SAE1: variants seen among roughly 807,000 people sequenced by gnomAD.
SAE1 encodes SUMO-activating enzyme subunit 1.
SAE1 carries 11 observed loss-of-function variants against 40.6 expected under a neutral mutation model. The ratio of observed to expected loss-of-function variants is 0.27; its 90% CI spans 0.17 to 0.45. The LOEUF (loss-of-function observed/expected upper bound fraction) is 0.45. Among genes scored for constraint, SAE1 ranks in the 20% least tolerant of loss-of-function variants. The pLI, the probability that SAE1 is intolerant of heterozygous loss-of-function variation, is 1.00. For synonymous variants in SAE1, 155 were observed against 154.3 expected (o/e 1.00, Z -0.03); for missense variants, 373 against 427.3 (o/e 0.87, Z 1.12).
chr19:47,193,961 TG>T (rs947182838), intron 6 of SAE1, among the ~76,000 whole-genome samples: 2 of 152,024 alleles, frequency 1.3e-5, no homozygotes, highest in African/African-American at 4.8e-5. Context: ...ACATTGGCAC[TG>T]AGAAAAGCAT....
intron 6 of SAE1, among the ~76,000 whole-genome samples, chr19:47,191,485 A>G (rs936376686): frequency 1.3e-5 from 2 of 152,226 alleles, no homozygotes; most frequent in African/African-American, 4.8e-5. Context: ...AAAGGGTATC[A>G]ACACTGCCTG....
intron 8 of SAE1, among the ~76,000 whole-genome samples, chr19:47,207,005 T>C (rs1173802080): frequency 6.6e-6 from 1 of 152,162 alleles, no homozygotes; most frequent in African/African-American, 2.4e-5. Flanking sequence ...GCTTAATAAA[T>C]GTTCCCTTGA....
In SAE1 at chr19:47,209,292, G is replaced by T; in HGVS notation, c.*41G>T. 1 of 1,614,002 alleles carries T rather than the reference G, an allele frequency of 6.2e-7. No individual in the cohort carries two copies. The highest frequency in any genetic ancestry group is 1.6e-4 in the Middle Eastern group (1 of 6,062). Reference sequence around the variant, plus strand: ...GCCCCAGAGATGCCAACTGCAGCATGCCCACCTGTATTCCCTGTCCCCTTC... The same window carrying T: ...GCCCCAGAGATGCCAACTGCAGCATTCCCACCTGTATTCCCTGTCCCCTTC... On this transcript the variant is annotated 3_prime_UTR_variant, in exon 9 of 9. Transcript: ENST00000270225.
At chr19:47,144,321 G>A (rs1478299681) in intron 2 of SAE1, among the ~76,000 whole-genome samples, 2 of 152,006 alleles carry the variant, frequency 1.3e-5, no homozygotes, top group Admixed American at 6.6e-5. Flanking sequence ...GCAACAGAGT[G>A]AGACTTTGCC....
chr19:47,139,218 ATTTTTAG>A (rs1410401193), intron 1 of SAE1, among the ~76,000 whole-genome samples: 2 of 152,240 alleles, frequency 1.3e-5, no homozygotes, highest in African/African-American at 4.8e-5. Context: ...AATTTTGTGT[ATTTTTAG>A]TAGAGACGGG....
intron 6 of SAE1, among the ~76,000 whole-genome samples, chr19:47,185,233 T>C (rs79607356): frequency 0.013 from 2,036 of 152,278 alleles, 28 homozygotes; most frequent in Middle Eastern, 0.051. Context: ...TGTCAATATG[T>C]CTTTATATGT....
At chr19:47,185,208 T>C in intron 6 of SAE1, among the ~76,000 whole-genome samples, 1 of 152,334 alleles carries the variant, frequency 6.6e-6, no homozygotes, top group Non-Finnish European at 1.5e-5. Context: ...TTAATAGCCA[T>C]GTAATATTCC....
At chr19:47,208,587 G>A (rs751133872) in intron 8 of SAE1, among the ~76,000 whole-genome samples, 2 of 151,954 alleles carry the variant, frequency 1.3e-5, no homozygotes, top group African/African-American at 2.4e-5. Flanking sequence ...CACCATACTC[G>A]GCTAATTTCT....
In SAE1 at chr19:47,150,187, G is replaced by A. The variant is rs1041334543; in HGVS notation, c.211-15G>A. 6.0e-6 allele frequency: 9 copies of A among 1,495,188 alleles called. No homozygotes were observed. The highest frequency in any genetic ancestry group is 1.3e-5 in the South Asian group (1 of 76,286). The allele number at this position is 1,495,188 out of a possible 1,614,324, so 92.6% of individuals were successfully genotyped here. ...AAAAATACAAGACTTAAAAAAATATGTGTATTATTCCTAGGTAACTCCAGA... is the reference window on the plus strand; with the variant it reads ...AAAAATACAAGACTTAAAAAAATATATGTATTATTCCTAGGTAACTCCAGA... On this transcript the variant is annotated splice_polypyrimidine_tract_variant and intron_variant, in intron 2 of 8. Transcript: ENST00000270225.
rs1568614540 is a variant in SAE1, at chr19:47,210,009, G to A, written c.*758G>A. The A allele has an allele frequency of 1.3e-5, 2 of 152,170 alleles. No homozygotes were observed. The highest frequency in any genetic ancestry group is 1.5e-5 in the Non-Finnish European group (1 of 68,032). The allele number at this position is 152,170 out of a possible 1,614,324, so 9.4% of individuals were successfully genotyped here. On this transcript the variant is annotated 3_prime_UTR_variant, in exon 9 of 9. Transcript: ENST00000270225. Reference sequence around the variant, plus strand: ...CTGGGGCTTCAGGGCTAGGAGGGAGGAGCCTGCCCTTTTAACAGAACCCCA... The same window carrying A: ...CTGGGGCTTCAGGGCTAGGAGGGAGAAGCCTGCCCTTTTAACAGAACCCCA...
At chr19:47,139,756 T>A (rs1469303179) in intron 1 of SAE1, among the ~76,000 whole-genome samples, 1 of 121,772 alleles carries the variant, frequency 8.2e-6, no homozygotes, top group African/African-American at 3.4e-5. Context: ...TCCCGGCCAA[T>A]TTTTTTTTTT....
intron 8 of SAE1, among the ~76,000 whole-genome samples, chr19:47,206,329 T>C (rs1416703184): frequency 6.6e-6 from 1 of 152,190 alleles, no homozygotes; most frequent in Admixed American, 6.5e-5. Flanking sequence ...CCTTCATACT[T>C]ATTACTGGTC....
At chr19:47,141,804 C>A (rs1429649675) in intron 1 of SAE1, among the ~76,000 whole-genome samples, 2 of 151,970 alleles carry the variant, frequency 1.3e-5, no homozygotes, top group Non-Finnish European at 2.9e-5. Context: ...TTACTAAATC[C>A]TTTTCAGTAT....
chr19:47,171,559 C>T (rs1363986538), intron 6 of SAE1, among the ~76,000 whole-genome samples: 2 of 152,180 alleles, frequency 1.3e-5, no homozygotes, highest in East Asian at 1.9e-4. Context: ...TCAAGCGATT[C>T]TCCTGCCTCA....
intron 7 of SAE1, among the ~76,000 whole-genome samples, chr19:47,199,450 C>G (rs1021578666): frequency 1.3e-5 from 2 of 148,638 alleles, no homozygotes; most frequent in South Asian, 4.3e-4. Context: ...GCACACGAGA[C>G]TGAGACATGG....
intron 1 of SAE1, among the ~76,000 whole-genome samples, chr19:47,141,831 G>T (rs1448179410): frequency 6.6e-6 from 1 of 152,140 alleles, no homozygotes; most frequent in Admixed American, 6.6e-5. Context: ...TACATTTGCT[G>T]CAGAATTATT....
At position 47,184,577 on chromosome 19, in the gene SAE1, G is replaced by C. The variant is rs370450477; in HGVS notation, c.734-12656G>C. ...AGGCACCCGCCACCATGCCCATTTAGTTTTTGTATTTTTAGTAGAGATGGG... is the reference window on the plus strand; with the variant it reads ...AGGCACCCGCCACCATGCCCATTTACTTTTTGTATTTTTAGTAGAGATGGG... On this transcript the variant is annotated intron_variant, in intron 6 of 8. Transcript: ENST00000270225. Among the ~76,000 whole-genome samples the C allele has an allele frequency of 6.6e-5, 10 of 151,388 alleles. No individual in the cohort carries two copies. The East Asian group carries it at 1.6e-3, about 24-fold the overall frequency.
At chr19:47,175,107 A>T (rs997033939) in intron 6 of SAE1, among the ~76,000 whole-genome samples, 83 of 91,662 alleles carry the variant, frequency 9.1e-4, no homozygotes, top group Admixed American at 2.5e-3. Flanking sequence ...AGTGGCCTTG[A>T]TTTTTTTTTT....
At chr19:47,167,329 C>T (rs952739837) in intron 5 of SAE1, among the ~76,000 whole-genome samples, 6 of 149,538 alleles carry the variant, frequency 4.0e-5, no homozygotes, top group East Asian at 2.0e-4. Context: ...TGTAGTGGCA[C>T]GATGGGTTCA....
Sources: gnomAD v4.1 joint callset for allele counts (sites outside exome capture counted in the v4.1 genomes callset) on GRCh38, gnomAD v4.1.1 for gene constraint, MANE v1.5 for transcripts, NCBI Gene and HGNC (gene_info 2026-07-23, HGNC 2026-07-21) for gene names.